The following RGS6 variants were observed in gnomAD, a reference collection of about 807,000 sequenced individuals.
RGS6 encodes regulator of G protein signaling 6.
Under a neutral mutation model 78.5 loss-of-function variants are expected in RGS6, and 30 were observed. The observed-to-expected ratio is 0.38, with a 90% CI of 0.29 to 0.52. The LOEUF (loss-of-function observed/expected upper bound fraction) is 0.52. RGS6 is among the 20% of genes least tolerant of loss of function. The pLI is 0.85. For missense variants in RGS6, 495 were observed against 609.7 expected, an observed-to-expected ratio of 0.81 and a Z score of 1.98; for synonymous variants, 206 against 206.0, an observed-to-expected ratio of 1.00 and a Z score of 0.00.
chr14:72,540,134 G>C, intron 17 of RGS6, 40 bp downstream of exon 17: 2 of 1,549,322 alleles, frequency 1.3e-6, no homozygotes, highest in Non-Finnish European at 1.7e-6. Flanking sequence ...TTTTCTTTTG[G>C]TTTTGGTTTT....
the RGS6 span, among the ~76,000 whole-genome samples, chr14:72,590,853 A>G: frequency 3.9e-5 from 6 of 152,242 alleles, no homozygotes; most frequent in Non-Finnish European, 8.8e-5. Context: ...CAGAAGGGCT[A>G]GAAGCCGCTG....
intron 2 of RGS6, among the ~76,000 whole-genome samples, chr14:72,079,720 C>T (rs2094738317): frequency 6.6e-6 from 1 of 152,134 alleles, no homozygotes; most frequent in Admixed American, 6.5e-5. Context: ...CTCTGGTAAC[C>T]ACTGTTTGAA....
intron 2 of RGS6, among the ~76,000 whole-genome samples, chr14:72,222,630 A>G (rs958357931): frequency 6.6e-6 from 1 of 152,224 alleles, no homozygotes; most frequent in Non-Finnish European, 1.5e-5. Context: ...ACAAAAAGTC[A>G]TTGATTCTGT....
chr14:72,146,516 C>T (rs1266988567), intron 2 of RGS6, among the ~76,000 whole-genome samples: 1 of 152,162 alleles, frequency 6.6e-6, no homozygotes, highest in Non-Finnish European at 1.5e-5. Context: ...AATTCCCCTC[C>T]AGCTGTGAGC....
chr14:72,590,776 C>T, the RGS6 span, among the ~76,000 whole-genome samples: 1 of 152,112 alleles, frequency 6.6e-6, no homozygotes, highest in Non-Finnish European at 1.5e-5. Context: ...CACTGATAAG[C>T]AGGAAATGGC....
chr14:71,873,445 G>C, the RGS6 span, among the ~76,000 whole-genome samples: 1 of 152,280 alleles, frequency 6.6e-6, no homozygotes, highest in East Asian at 1.9e-4. Context: ...GTCTTCTTTT[G>C]AGGAGTGTCT....
chr14:72,042,388 C>CA (rs2092495750), intron 2 of RGS6, among the ~76,000 whole-genome samples: 1 of 152,096 alleles, frequency 6.6e-6, no homozygotes, highest in African/African-American at 2.4e-5. Context: ...TTCGGCCTCA[C>CA]AAAGTGCTGG....
intron 3 of RGS6, among the ~76,000 whole-genome samples, chr14:72,383,639 G>C (rs142068006): frequency 2.0e-5 from 3 of 152,072 alleles, no homozygotes; most frequent in African/African-American, 4.8e-5. Flanking sequence ...TTCTTAAGTA[G>C]GATTGTGAAG....
At chr14:72,621,569 A>C in the RGS6 span, among the ~76,000 whole-genome samples, 6 of 152,186 alleles carry the variant, frequency 3.9e-5, no homozygotes, top group African/African-American at 1.4e-4. Flanking sequence ...GCTTTTGAAG[A>C]GTTATCAACA....
At chr14:72,397,311 A>G (rs372077579) in intron 3 of RGS6, among the ~76,000 whole-genome samples, 11 of 152,032 alleles carry the variant, frequency 7.2e-5, no homozygotes, top group Admixed American at 1.3e-4. Flanking sequence ...CTTTGAAGCA[A>G]TTGTGAATGG....
chr14:71,888,968 T>G, the RGS6 span, among the ~76,000 whole-genome samples: 6 of 152,288 alleles, frequency 3.9e-5, no homozygotes, highest in African/African-American at 1.4e-4. Context: ...AACTATAGCA[T>G]TATTGTCATC....
chr14:71,956,286 C>T (rs967591356), intron 1 of RGS6, among the ~76,000 whole-genome samples: 7 of 151,402 alleles, frequency 4.6e-5, no homozygotes, highest in African/African-American at 1.7e-4. Flanking sequence ...TAGTGTGACA[C>T]AGAAAGGGGG....
At chr14:71,967,189 GTATATATATA>G (rs10571406) in intron 2 of RGS6, among the ~76,000 whole-genome samples, 43 of 145,798 alleles carry the variant, frequency 2.9e-4, no homozygotes, top group African/African-American at 1.0e-3. Flanking sequence ...TGTGTAAAGA[GTATATATATA>G]TATATATATA....
chr14:72,180,862 A>G (rs528069066), intron 2 of RGS6, among the ~76,000 whole-genome samples: 3 of 152,282 alleles, frequency 2.0e-5, no homozygotes, highest in East Asian at 1.9e-4. Flanking sequence ...CCCTTCCACC[A>G]TGGGACAATC....
downstream of RGS6, among the ~76,000 whole-genome samples, chr14:72,567,863 C>T (rs867636450): frequency 1.3e-5 from 2 of 152,370 alleles, no homozygotes; most frequent in South Asian, 4.1e-4. Flanking sequence ...CCCTGACCCC[C>T]GTCGTGGGAC....
intron 1 of RGS6, among the ~76,000 whole-genome samples, chr14:71,951,797 A>G (rs943013834): frequency 5.3e-5 from 8 of 152,138 alleles, no homozygotes; most frequent in African/African-American, 1.4e-4. Context: ...GTATCCCTCT[A>G]TATTGTAAAA....
chr14:72,277,265 A>T (rs2060825172), intron 2 of RGS6, among the ~76,000 whole-genome samples: 1 of 152,208 alleles, frequency 6.6e-6, no homozygotes, highest in Non-Finnish European at 1.5e-5. Flanking sequence ...GTTTACTATG[A>T]GCCCCTTGCA....
At chr14:71,912,253 A>T in the RGS6 span, among the ~76,000 whole-genome samples, 1 of 152,204 alleles carries the variant, frequency 6.6e-6, no homozygotes, top group Non-Finnish European at 1.5e-5. Flanking sequence ...GGCGAAGTAT[A>T]TAATGGGGCA....
At chr14:71,877,406 C>T in the RGS6 span, among the ~76,000 whole-genome samples, 3 of 152,190 alleles carry the variant, frequency 2.0e-5, no homozygotes, top group Non-Finnish European at 2.9e-5. Flanking sequence ...AACTTCTCTT[C>T]TCACTTCATT....
Sources: allele counts gnomAD v4.1 joint callset (sites outside exome capture counted in the v4.1 genomes callset), GRCh38; gene constraint gnomAD v4.1.1; transcripts MANE v1.5; gene names NCBI Gene and HGNC (gene_info 2026-07-23, HGNC 2026-07-21).